Variants in GAB1 observed in about 807,000 individuals in gnomAD.
The protein encoded by GAB1 is GRB2 associated binding protein 1.
Under a neutral mutation model 66.5 loss-of-function variants are expected in GAB1, and 19 were observed. The observed-to-expected ratio is 0.29, with a 90% CI of 0.20 to 0.42. GAB1 has a LOEUF of 0.42. Ranked by LOEUF, GAB1 falls within the 10% of genes least tolerant of loss-of-function variation. The probability of loss-of-function intolerance (pLI) is 1.00; values close to 1 mark genes in which losing one functional copy is unlikely to be tolerated. For missense variants in GAB1, 732 were observed against 858.5 expected (o/e 0.85, Z 1.84); for synonymous variants, 294 against 301.4 (o/e 0.98, Z 0.25).
intron 1 of GAB1, among the ~76,000 whole-genome samples, chr4:143,346,600 G>A (rs1480594273): frequency 2.6e-5 from 4 of 152,308 alleles, no homozygotes; most frequent in African/African-American, 9.6e-5. Context: ...GTGCTGTTGT[G>A]TAGAGCTTGA....
chr4:143,407,722 G>A (rs1732131401), intron 1 of GAB1, among the ~76,000 whole-genome samples: 1 of 152,104 alleles, frequency 6.6e-6, no homozygotes, highest in Non-Finnish European at 1.5e-5. Context: ...AACTTCCACC[G>A]AGCCTGTTTT....
chr4:143,412,739 A>G (rs1332719933), intron 1 of GAB1, among the ~76,000 whole-genome samples: 1 of 152,188 alleles, frequency 6.6e-6, no homozygotes, highest in Non-Finnish European at 1.5e-5. Context: ...GAGGGAAAGA[A>G]TATAATGTAT....
At chr4:143,424,954 TA>T in intron 2 of GAB1, 1 of 564,654 alleles carries the variant, frequency 1.8e-6, no homozygotes, top group Non-Finnish European at 3.0e-6. Context: ...ACTCCGACTT[TA>T]AAAAAAGAAA....
chr4:143,425,455 C>A (rs1733291064), intron 2 of GAB1: 9 of 760,140 alleles, frequency 1.2e-5, no homozygotes, highest in Non-Finnish European at 1.9e-5. Flanking sequence ...TAGAGAGAGG[C>A]ATCTTATGTT....
intron 1 of GAB1, among the ~76,000 whole-genome samples, chr4:143,354,316 A>G (rs1296910003): frequency 6.6e-6 from 1 of 150,518 alleles, no homozygotes; most frequent in Non-Finnish European, 1.5e-5. Flanking sequence ...CTTCCTTGTT[A>G]TTTATTCTAA....
intron 2 of GAB1, among the ~76,000 whole-genome samples, chr4:143,433,147 A>G (rs1382690095): frequency 6.6e-6 from 1 of 152,234 alleles, no homozygotes; most frequent in East Asian, 1.9e-4. Context: ...CTTAGGAAGC[A>G]CTTCATTATC....
At chr4:143,352,042 G>A (rs1233653067) in intron 1 of GAB1, among the ~76,000 whole-genome samples, 1 of 152,186 alleles carries the variant, frequency 6.6e-6, no homozygotes, top group Non-Finnish European at 1.5e-5. Flanking sequence ...TCACTAGAGG[G>A]TTTAGGTGAT....
chr4:143,414,411 A>G (rs1052586726), intron 1 of GAB1, among the ~76,000 whole-genome samples: 11 of 152,292 alleles, frequency 7.2e-5, no homozygotes, highest in Non-Finnish European at 1.3e-4. Context: ...CTCTAGGTAT[A>G]GTATTAAACT....
chr4:143,450,962 A>T (rs2149779152), intron 6 of GAB1, among the ~76,000 whole-genome samples: 1 of 152,280 alleles, frequency 6.6e-6, no homozygotes, highest in Admixed American at 6.5e-5. Flanking sequence ...AAGGCAGTTC[A>T]TTAACATTCA....
chr4:143,356,319 A>G (rs987479586), intron 1 of GAB1, among the ~76,000 whole-genome samples: 1 of 152,192 alleles, frequency 6.6e-6, no homozygotes, highest in Non-Finnish European at 1.5e-5. Flanking sequence ...TATCTATGCA[A>G]TGTGTAAATG....
chr4:143,344,274 G>A (rs879498824), intron 1 of GAB1, among the ~76,000 whole-genome samples: 3 of 152,286 alleles, frequency 2.0e-5, no homozygotes, highest in African/African-American at 7.2e-5. Context: ...TGTTGGGGGG[G>A]AGAGAATAAC....
intron 1 of GAB1, among the ~76,000 whole-genome samples, chr4:143,337,727 C>A (rs529820042): frequency 1.3e-5 from 2 of 152,260 alleles, no homozygotes; most frequent in Admixed American, 1.3e-4. Flanking sequence ...TCTCCTCCGC[C>A]CCTCGAGATG....
intron 6 of GAB1, among the ~76,000 whole-genome samples, chr4:143,458,719 G>C (rs1578749926): frequency 6.6e-6 from 1 of 151,948 alleles, no homozygotes; most frequent in South Asian, 2.1e-4. Context: ...TTACTTAATT[G>C]TATATAATTT....
At chr4:143,453,158 G>A (rs1039620094) in intron 6 of GAB1, among the ~76,000 whole-genome samples, 1 of 152,072 alleles carries the variant, frequency 6.6e-6, no homozygotes, top group South Asian at 2.1e-4. Context: ...GAGAAATCCA[G>A]CTAACAAAAT....
chr4:143,341,084 T>C (rs767837997), intron 1 of GAB1, among the ~76,000 whole-genome samples: 1 of 152,228 alleles, frequency 6.6e-6, no homozygotes, highest in Non-Finnish European at 1.5e-5. Context: ...TGTGTTTCAT[T>C]CTCCTGGAAG....
intron 1 of GAB1, among the ~76,000 whole-genome samples, chr4:143,353,839 C>T (rs960772109): frequency 6.6e-6 from 1 of 152,188 alleles, no homozygotes; most frequent in African/African-American, 2.4e-5. Flanking sequence ...GAACTTTTCA[C>T]CACTATAGTA....
chr4:143,413,912 T>TC (rs1310487043), intron 1 of GAB1, among the ~76,000 whole-genome samples: 1 of 136,150 alleles, frequency 7.3e-6, no homozygotes, highest in African/African-American at 2.7e-5. Context: ...AACTGCCAAC[T>TC]CCGGGTTCAA....
chr4:143,411,134 G>T (rs747640540), intron 1 of GAB1, among the ~76,000 whole-genome samples: 5 of 152,140 alleles, frequency 3.3e-5, no homozygotes, highest in Non-Finnish European at 7.3e-5. Flanking sequence ...ACGCTGGAGA[G>T]ATTTAGGGGT....
At chr4:143,459,763 G>A (rs141609507) in intron 7 of GAB1, among the ~76,000 whole-genome samples, 10 of 152,140 alleles carry the variant, frequency 6.6e-5, no homozygotes, top group Admixed American at 2.6e-4. Flanking sequence ...TATTACTTAC[G>A]TTTTAAAAAT....
Sources: gnomAD v4.1 joint callset for allele counts (sites outside exome capture counted in the v4.1 genomes callset) on GRCh38, gnomAD v4.1.1 for gene constraint, MANE v1.5 for transcripts, NCBI Gene and HGNC (gene_info 2026-07-23, HGNC 2026-07-21) for gene names.